Variants in SGCZ observed in about 807,000 individuals in gnomAD.
The protein encoded by SGCZ is zeta-sarcoglycan.
SGCZ carries 40 observed loss-of-function variants against 41.3 expected under a neutral mutation model. That is an observed-to-expected ratio of 0.97 (90% CI 0.75 to 1.26). The LOEUF (loss-of-function observed/expected upper bound fraction) is 1.26. Among genes scored for constraint, SGCZ ranks in the 50% most tolerant of loss-of-function variants. The pLI is 0.00. For missense variants in SGCZ, 552 were observed against 369.8 expected (o/e 1.49, Z -4.04); for synonymous variants, 206 against 137.5 (o/e 1.50, Z -3.49).
chr8:15,186,501 G>A (rs1226751230), intron 1 of SGCZ, among the ~76,000 whole-genome samples: 1 of 152,036 alleles, frequency 6.6e-6, no homozygotes, highest in Non-Finnish European at 1.5e-5. Context: ...AAAGAATGGT[G>A]AACACAGTCC....
chr8:14,193,449 A>C lies in SGCZ; in HGVS notation c.425-28747T>G, dbSNP rs80154569. 1.1e-4 allele frequency among the ~76,000 whole-genome samples: 16 copies of C among 152,176 alleles called. No homozygotes were observed. In the East Asian group the frequency reaches 3.1e-3, roughly 29 times the overall value. On this transcript the variant is annotated intron_variant, in intron 4 of 7. Coordinates refer to ENST00000382080, the MANE Select transcript of SGCZ (RefSeq NM_139167.4). ...AACTGTGGCAACATTAAAATGGTTT[A>C]ATCATACCTTTCAATATACACGGAC... is the stretch of plus-strand genomic sequence containing the variant.
intron 1 of SGCZ, among the ~76,000 whole-genome samples, chr8:15,226,242 C>T (rs1225003357): frequency 1.3e-5 from 2 of 152,124 alleles, no homozygotes; most frequent in African/African-American, 2.4e-5. Flanking sequence ...CTTTGGGCCA[C>T]CTCACAGGGA....
intron 1 of SGCZ, among the ~76,000 whole-genome samples, chr8:14,696,578 A>T (rs117459931): frequency 0.018 from 2,708 of 152,232 alleles, 26 homozygotes; most frequent in Non-Finnish European, 0.025. Flanking sequence ...TATTTCTAAC[A>T]GTTCTTTTTG....
intron 1 of SGCZ, among the ~76,000 whole-genome samples, chr8:15,110,950 A>G (rs964409402): frequency 6.6e-6 from 1 of 152,170 alleles, no homozygotes; most frequent in South Asian, 2.1e-4. Flanking sequence ...TCTGGGCAAA[A>G]AAAAGTGAAA....
At chr8:14,285,670 A>C (rs1241801529) in intron 3 of SGCZ, among the ~76,000 whole-genome samples, 3 of 152,146 alleles carry the variant, frequency 2.0e-5, no homozygotes, top group Admixed American at 1.3e-4. Flanking sequence ...AGAAGTCCTG[A>C]CTATCCCAAG....
chr8:14,659,765 T>C (rs980765923), intron 1 of SGCZ, among the ~76,000 whole-genome samples: 2 of 152,202 alleles, frequency 1.3e-5, no homozygotes, highest in African/African-American at 4.8e-5. Context: ...CCCAGCAATG[T>C]ACATGTTGAA....
intron 1 of SGCZ, among the ~76,000 whole-genome samples, chr8:14,740,353 G>A (rs1000852173): frequency 1.3e-5 from 2 of 152,064 alleles, no homozygotes; most frequent in Admixed American, 6.6e-5. Context: ...GGGTTTACCA[G>A]CAATCACAGA....
chr8:14,807,468 C>T (rs947723280), intron 1 of SGCZ, among the ~76,000 whole-genome samples: 1 of 152,038 alleles, frequency 6.6e-6, no homozygotes, highest in African/African-American at 2.4e-5. Flanking sequence ...CATGAGTGAA[C>T]TCCCATTCAC....
intron 1 of SGCZ, among the ~76,000 whole-genome samples, chr8:14,583,563 G>C (rs181091023): frequency 2.4e-4 from 37 of 152,148 alleles, no homozygotes; most frequent in African/African-American, 8.7e-4. Flanking sequence ...TGATGTTTTA[G>C]ACATGAAGTC....
intron 1 of SGCZ, among the ~76,000 whole-genome samples, chr8:15,113,343 A>G (rs1258557825): frequency 3.3e-5 from 5 of 152,124 alleles, no homozygotes; most frequent in Non-Finnish European, 5.9e-5. Context: ...GAAGTTCTCT[A>G]TTCATCTATA....
chr8:14,245,589 A>G (rs1381656671), intron 3 of SGCZ, among the ~76,000 whole-genome samples: 1 of 152,206 alleles, frequency 6.6e-6, no homozygotes, highest in Non-Finnish European at 1.5e-5. Flanking sequence ...GCCAAAATTG[A>G]CAAATGGGAT....
chr8:14,425,949 A>C (rs1799770285), intron 2 of SGCZ, among the ~76,000 whole-genome samples: 2 of 152,228 alleles, frequency 1.3e-5, no homozygotes, highest in African/African-American at 2.4e-5. Context: ...AAGTCAAATG[A>C]ATCCATGTAT....
At chr8:15,045,391 G>C (rs1804266840) in intron 1 of SGCZ, among the ~76,000 whole-genome samples, 2 of 151,980 alleles carry the variant, frequency 1.3e-5, no homozygotes, top group African/African-American at 4.8e-5. Context: ...TTTATAGACA[G>C]GTGCAAAGGC....
chr8:15,108,531 G>A (rs750179084), intron 1 of SGCZ, among the ~76,000 whole-genome samples: 1 of 152,122 alleles, frequency 6.6e-6, no homozygotes, highest in South Asian at 2.1e-4. Context: ...TGTGCTAAGA[G>A]CTCAGAACAC....
chr8:14,595,265 A>AT (rs1244607519), intron 1 of SGCZ, among the ~76,000 whole-genome samples: 1 of 152,142 alleles, frequency 6.6e-6, no homozygotes, highest in African/African-American at 2.4e-5. Context: ...AAATAACAGT[A>AT]TTTTTTTGGA....
intron 1 of SGCZ, among the ~76,000 whole-genome samples, chr8:14,611,230 A>G (rs754389364): frequency 3.3e-5 from 5 of 152,124 alleles, no homozygotes; most frequent in Non-Finnish European, 7.4e-5. Context: ...TCCTTTTCAA[A>G]TATCTTTATA....
intron 1 of SGCZ, among the ~76,000 whole-genome samples, chr8:14,562,206 C>A (rs796804149): frequency 6.6e-6 from 1 of 152,052 alleles, no homozygotes; most frequent in Non-Finnish European, 1.5e-5. Context: ...TCCAAACTAG[C>A]TGGAATCATT....
At chr8:14,580,259 G>A (rs989130821) in intron 1 of SGCZ, among the ~76,000 whole-genome samples, 14 of 152,168 alleles carry the variant, frequency 9.2e-5, no homozygotes, top group African/African-American at 2.4e-4. Context: ...TAGCTATCAC[G>A]ATAATTTTGA....
intron 2 of SGCZ, among the ~76,000 whole-genome samples, chr8:14,330,275 A>G (rs1585371686): frequency 6.6e-6 from 1 of 152,078 alleles, no homozygotes; most frequent in Non-Finnish European, 1.5e-5. Flanking sequence ...GATATGAAGT[A>G]TGTGGTTAGT....
Sources: gnomAD v4.1 joint callset for allele counts (sites outside exome capture counted in the v4.1 genomes callset) on GRCh38, gnomAD v4.1.1 for gene constraint, MANE v1.5 for transcripts, NCBI Gene and HGNC (gene_info 2026-07-23, HGNC 2026-07-21) for gene names.